CIMAP2: variants seen among roughly 807,000 people sequenced by gnomAD.
The protein encoded by CIMAP2 is ciliary microtubule associated protein 2.
At chr1:54,822,465 T>C in the CIMAP2 span, among the ~76,000 whole-genome samples, 8 of 152,190 alleles carry the variant, frequency 5.3e-5, no homozygotes, top group Non-Finnish European at 1.2e-4. Flanking sequence ...GTTTGATTTG[T>C]TCTTGCTTTT....
At chr1:54,835,280 C>T in the CIMAP2 span, among the ~76,000 whole-genome samples, 1 of 152,140 alleles carries the variant, frequency 6.6e-6, no homozygotes, top group African/African-American at 2.4e-5. Context: ...CAGCCTTGAC[C>T]TCCTGGGCTC....
the CIMAP2 span, chr1:54,811,765 G>GCGGGGGGGGGGCCCCC: frequency 7.7e-7 from 1 of 1,301,328 alleles, no homozygotes; most frequent in Non-Finnish European, 1.1e-6. Flanking sequence ...GGTTCTGACA[G>GCGGGGGGGGGGCCCCC]CCTCCATGCC....
At chr1:54,821,103 G>A in the CIMAP2 span, among the ~76,000 whole-genome samples, 1 of 152,216 alleles carries the variant, frequency 6.6e-6, no homozygotes, top group Non-Finnish European at 1.5e-5. Flanking sequence ...TATTATTGCT[G>A]TTGAGTTCCT....
chr1:54,823,697 C>T, the CIMAP2 span, among the ~76,000 whole-genome samples: 2 of 152,192 alleles, frequency 1.3e-5, no homozygotes, highest in East Asian at 1.9e-4. Flanking sequence ...GTAGGGATAA[C>T]GTTAGACTAC....
At chr1:54,833,413 T>G in the CIMAP2 span, among the ~76,000 whole-genome samples, 1 of 152,166 alleles carries the variant, frequency 6.6e-6, no homozygotes, top group Non-Finnish European at 1.5e-5. Context: ...CTGCCTTTGA[T>G]CCAGGCGGGG....
chr1:54,806,121 G>A, the CIMAP2 span: 5 of 1,538,170 alleles, frequency 3.3e-6, no homozygotes, highest in Non-Finnish European at 4.4e-6. Flanking sequence ...CCTGCCATGA[G>A]GGAAAGCCAG....
the CIMAP2 span, among the ~76,000 whole-genome samples, chr1:54,839,870 G>C: frequency 2.6e-5 from 4 of 151,818 alleles, no homozygotes; most frequent in Non-Finnish European, 5.9e-5. Flanking sequence ...CCCACCTCAG[G>C]CTCCCAAGTA....
At chr1:54,821,900 T>C in the CIMAP2 span, among the ~76,000 whole-genome samples, 2 of 80,290 alleles carry the variant, frequency 2.5e-5, no homozygotes, top group Non-Finnish European at 5.3e-5. Context: ...TTTTTTTTTT[T>C]TTTTTTTTTT....
chr1:54,807,713 T>A, the CIMAP2 span: 97 of 1,554,384 alleles, frequency 6.2e-5, no homozygotes, highest in Non-Finnish European at 8.3e-5. Context: ...GGGCCATGCC[T>A]CTCCCTCTCT....
the CIMAP2 span, among the ~76,000 whole-genome samples, chr1:54,833,019 A>G: frequency 6.6e-6 from 1 of 152,016 alleles, no homozygotes; most frequent in Admixed American, 6.6e-5. Context: ...CTTGTCTCAA[A>G]AAAAAAAATT....
At chr1:54,836,438 C>T in the CIMAP2 span, among the ~76,000 whole-genome samples, 2 of 151,366 alleles carry the variant, frequency 1.3e-5, no homozygotes, top group Non-Finnish European at 2.9e-5. Context: ...GGGGGAGATT[C>T]TCTTGTGAGG....
chr1:54,830,441 C>T, the CIMAP2 span, among the ~76,000 whole-genome samples: 1 of 151,944 alleles, frequency 6.6e-6, no homozygotes, highest in African/African-American at 2.4e-5. The surrounding 1 kb of genome is among the most constrained non-coding windows in gnomAD (Gnocchi z 4.1). Context: ...AGGCTGGTCT[C>T]GAACTCCTGA....
the CIMAP2 span, among the ~76,000 whole-genome samples, chr1:54,830,591 A>G: frequency 0.4 from 60,220 of 152,026 alleles, 12,701 homozygotes; most frequent in African/African-American, 0.53. This position sits in a 1 kb window ranked among gnomAD's most constrained non-coding sequence, Gnocchi z 4.1. Context: ...TAGAGAATCT[A>G]TCTCCAGAGA....
At chr1:54,814,416 A>C in the CIMAP2 span, among the ~76,000 whole-genome samples, 1 of 152,178 alleles carries the variant, frequency 6.6e-6, no homozygotes, top group African/African-American at 2.4e-5. Flanking sequence ...GTGTCAAAGC[A>C]GGCCCTCTGG....
the CIMAP2 span, among the ~76,000 whole-genome samples, chr1:54,820,652 T>C: frequency 6.6e-6 from 1 of 152,254 alleles, no homozygotes; most frequent in African/African-American, 2.4e-5. Flanking sequence ...TATCCCTCAA[T>C]TGGGGTTTTG....
At chr1:54,815,412 C>T in the CIMAP2 span, among the ~76,000 whole-genome samples, 6 of 152,058 alleles carry the variant, frequency 3.9e-5, no homozygotes, top group South Asian at 2.1e-4. Context: ...AACATCACAC[C>T]GCAGCCATGC....
At chr1:54,827,854 C>T in the CIMAP2 span, among the ~76,000 whole-genome samples, 189 of 152,282 alleles carry the variant, frequency 1.2e-3, no homozygotes, top group African/African-American at 4.2e-3. Flanking sequence ...AGAGAAACTA[C>T]AATTACTTAA....
chr1:54,821,413 G>A, the CIMAP2 span, among the ~76,000 whole-genome samples: 1 of 152,082 alleles, frequency 6.6e-6, no homozygotes, highest in Admixed American at 6.5e-5. Flanking sequence ...TATATAGTGA[G>A]GGGTCTAGTT....
the CIMAP2 span, among the ~76,000 whole-genome samples, chr1:54,820,393 G>A: frequency 6.6e-6 from 1 of 151,904 alleles, no homozygotes; most frequent in African/African-American, 2.4e-5. Context: ...GCTAGGGCTG[G>A]TCTCAAACTC....
Sources: allele counts gnomAD v4.1 joint callset (sites outside exome capture counted in the v4.1 genomes callset), GRCh38; gene constraint gnomAD v4.1.1; non-coding constraint Gnocchi (gnomAD v3.1); transcripts MANE v1.5; gene names NCBI Gene and HGNC (gene_info 2026-07-23, HGNC 2026-07-21).